SMAD3: variants seen among roughly 807,000 people sequenced by gnomAD.
SMAD3 encodes the protein MAD homolog 3.
In SMAD3, 12 loss-of-function variants were observed where a neutral mutation model predicts 51.8. The ratio of observed to expected loss-of-function variants is 0.23; its 90% CI spans 0.15 to 0.38. The LOEUF is 0.38. SMAD3 is among the 10% of genes least tolerant of loss of function. SMAD3 has a pLI of 1.00. For missense variants in SMAD3, 294 were observed against 565.6 expected, an observed-to-expected ratio of 0.52 and a Z score of 4.87; for synonymous variants, 238 against 227.7, an observed-to-expected ratio of 1.05 and a Z score of -0.41.
At position 67,126,405 on chromosome 15, in the gene SMAD3, G is replaced by GT. The variant is rs563695978; in HGVS notation, c.207-38487dup. Among the ~76,000 whole-genome samples the GT allele has an allele frequency of 1.8e-3, 269 of 152,246 alleles. 1 individual carries two copies. Among genetic ancestry groups the GT allele is most frequent in the African/African-American group, 6.4e-3 (264 of 41,536 alleles). Reference sequence around the variant, plus strand: ...TCCTAGCCCGTTACCACAGCTGTCTGTTTCTTGGCCTCTCCCTAGATTTCT... The same window carrying GT: ...TCCTAGCCCGTTACCACAGCTGTCTGTTTTCTTGGCCTCTCCCTAGATTTCT... On this transcript the variant is annotated intron_variant, in intron 1 of 8. Coordinates refer to ENST00000327367, the MANE Select transcript of SMAD3 (RefSeq NM_005902.4).
At position 67,173,301 on chromosome 15, in the gene SMAD3, G is replaced by A. The variant is rs112820600; in HGVS notation, c.658+2697G>A. Among the ~76,000 whole-genome samples, 1,367 of 152,208 alleles carry A rather than the reference G, an allele frequency of 9.0e-3. 33 individuals are homozygous for A. Among genetic ancestry groups the A allele is most frequent in the African/African-American group, 0.031 (1,299 of 41,502 alleles). On this transcript the variant is annotated intron_variant, in intron 5 of 8. Transcript: ENST00000327367. ...AGGTGTCCATGTCCACCTGTAATGC[G>A]TTGTGCCAGGTGCCCAGGGAGAAAG...
chr15:67,170,568 T>G lies in SMAD3; in HGVS notation c.622T>G (p.Ser208Ala). ...TCACCTCGCAGGTTCTCCAAACCTA[T>G]CCCCGAATCCGATGTCCCCAGCACA... ...HSMDAGSPNLSPNPMSPAHNN... is the reference protein window; with the variant it reads ...HSMDAGSPNLAPNPMSPAHNN... Residue 208 changes from serine to alanine, a missense_variant, in exon 5 of 9, where the codon TCC (serine) becomes GCC (alanine). Transcript: ENST00000327367. 2 of 1,614,050 alleles carry G rather than the reference T, an allele frequency of 1.2e-6. No homozygotes were observed. The highest frequency in any genetic ancestry group is 1.7e-6 in the Non-Finnish European group (2 of 1,179,928).
intron 1 of SMAD3, among the ~76,000 whole-genome samples, chr15:67,117,557 G>T (rs1961162993): frequency 1.3e-5 from 2 of 152,170 alleles, no homozygotes; most frequent in Non-Finnish European, 2.9e-5. Context: ...GAGTTCAGCA[G>T]ATGTGCCGGG....
intron 1 of SMAD3, among the ~76,000 whole-genome samples, chr15:67,161,317 A>T (rs1445825998): frequency 1.3e-5 from 2 of 152,166 alleles, no homozygotes; most frequent in Non-Finnish European, 2.9e-5. Flanking sequence ...TGCCTTGATT[A>T]TTGTAGCTCC....
intron 1 of SMAD3, among the ~76,000 whole-genome samples, chr15:67,144,116 A>C (rs957064411): frequency 6.6e-6 from 1 of 152,144 alleles, no homozygotes; most frequent in African/African-American, 2.4e-5. Flanking sequence ...TCACTCCTCT[A>C]AAACTTTCCT....
intron 1 of SMAD3, among the ~76,000 whole-genome samples, chr15:67,133,401 A>G (rs1423123163): frequency 6.6e-6 from 1 of 150,770 alleles, no homozygotes; most frequent in Admixed American, 6.6e-5. Context: ...TTTTTTTTCT[A>G]GAAAAACTTA....
intron 1 of SMAD3, among the ~76,000 whole-genome samples, chr15:67,130,484 G>A (rs929101721): frequency 6.6e-6 from 1 of 152,160 alleles, no homozygotes; most frequent in Admixed American, 6.5e-5. Context: ...TCATAGGAGC[G>A]TGAACCCTAT....
At chr15:67,104,178 T>C (rs1265937404) in intron 1 of SMAD3, among the ~76,000 whole-genome samples, 1 of 152,052 alleles carries the variant, frequency 6.6e-6, no homozygotes, top group Non-Finnish European at 1.5e-5. Context: ...CCAAGAACTT[T>C]TCCCCACCAG....
intron 1 of SMAD3, among the ~76,000 whole-genome samples, chr15:67,129,234 T>C (rs1043652655): frequency 6.6e-6 from 1 of 152,196 alleles, no homozygotes; most frequent in African/African-American, 2.4e-5. Context: ...TTCAGTCTAC[T>C]TGGGGAAAGA....
In SMAD3 at chr15:67,194,799, C is replaced by T. The variant is rs986486703; in HGVS notation, c.*4263C>T. 1 of 232,526 alleles carries T rather than the reference C, an allele frequency of 4.3e-6. No individual in the cohort carries two copies. The highest frequency in any genetic ancestry group is 8.5e-6 in the Non-Finnish European group (1 of 117,332). The allele number at this position is 232,526 out of a possible 1,614,324, so 14.4% of individuals were successfully genotyped here. ...AAATCTGGGCCCTTCCACAAGGGTC[C>T]TCTGAACCAAGCCCCACTCCCTTGC... On this transcript the variant is annotated 3_prime_UTR_variant, in exon 9 of 9. Transcript: ENST00000327367.
intron 1 of SMAD3, among the ~76,000 whole-genome samples, chr15:67,134,837 G>T (rs1416420124): frequency 1.3e-5 from 2 of 152,198 alleles, no homozygotes; most frequent in Admixed American, 1.3e-4. Context: ...GTGTGCTGTT[G>T]CCCCTCACAC....
intron 1 of SMAD3, among the ~76,000 whole-genome samples, chr15:67,099,858 C>T (rs760542369): frequency 6.6e-6 from 1 of 152,184 alleles, no homozygotes; most frequent in African/African-American, 2.4e-5. Context: ...GCATATTCCA[C>T]TCTACAATGG....
intron 1 of SMAD3, among the ~76,000 whole-genome samples, chr15:67,088,786 G>T (rs958540373): frequency 6.6e-6 from 1 of 152,182 alleles, no homozygotes; most frequent in African/African-American, 2.4e-5. Flanking sequence ...AATGAGCCAG[G>T]TGTGGTGGCG....
intron 1 of SMAD3, among the ~76,000 whole-genome samples, chr15:67,140,856 G>C (rs1961800327): frequency 6.6e-6 from 1 of 152,152 alleles, no homozygotes; most frequent in Non-Finnish European, 1.5e-5. Context: ...AAACGGAGCA[G>C]AACTTGGGGT....
intron 1 of SMAD3, among the ~76,000 whole-genome samples, chr15:67,106,634 C>G (rs966078715): frequency 1.8e-4 from 27 of 152,128 alleles, no homozygotes; most frequent in African/African-American, 6.5e-4. Context: ...GGACCCAGAT[C>G]AAAGGAGCTC....
At chr15:67,082,501 A>G (rs906138013) in intron 1 of SMAD3, among the ~76,000 whole-genome samples, 1 of 152,264 alleles carries the variant, frequency 6.6e-6, no homozygotes, top group Non-Finnish European at 1.5e-5. Flanking sequence ...CTTCAAAACC[A>G]TATGCAGTTT....
At chr15:67,117,279 C>T (rs1266948040) in intron 1 of SMAD3, among the ~76,000 whole-genome samples, 1 of 152,166 alleles carries the variant, frequency 6.6e-6, no homozygotes, top group Non-Finnish European at 1.5e-5. Flanking sequence ...ATTTTCCCAC[C>T]TTGTGGGCCT....
chr15:67,170,587 C>T lies in SMAD3; in HGVS notation c.641C>T (p.Pro214Leu). 3 of 1,613,966 alleles carry T rather than the reference C, an allele frequency of 1.9e-6. No individual in the cohort carries two copies. Among genetic ancestry groups the T allele is most frequent in the Non-Finnish European group, 2.5e-6 (3 of 1,179,834 alleles). The change falls in exon 5 of 9, where the codon CCA (proline) becomes CTA (leucine). Residue 214 changes from proline to leucine, a missense_variant. Coordinates refer to ENST00000327367, the MANE Select transcript of SMAD3 (RefSeq NM_005902.4). The stretch of plus-strand genomic sequence containing the variant: ...AACCTATCCCCGAATCCGATGTCCC[C>T]AGCACATAATAACTTGGGTGAGTAT... Reference protein sequence around the residue: ...SPNLSPNPMSPAHNNLDLQPV... With the variant: ...SPNLSPNPMSLAHNNLDLQPV...
chr15:67,087,476 T>C (rs969683914), intron 1 of SMAD3, among the ~76,000 whole-genome samples: 27 of 152,188 alleles, frequency 1.8e-4, no homozygotes, highest in African/African-American at 6.5e-4. Context: ...TTGGTTTCAG[T>C]AGGCACCTGG....
Sources: gnomAD v4.1 joint callset for allele counts (sites outside exome capture counted in the v4.1 genomes callset) on GRCh38, gnomAD v4.1.1 for gene constraint, MANE v1.5 for transcripts, NCBI Gene and HGNC (gene_info 2026-07-23, HGNC 2026-07-21) for gene names.